Variants in ADAM9 observed in about 807,000 individuals in gnomAD.
ADAM9 encodes the protein ADAM metallopeptidase domain 9.
In ADAM9, 54 loss-of-function variants were observed where a neutral mutation model predicts 108.1. The observed-to-expected ratio is 0.50, with a 90% CI of 0.40 to 0.63. The LOEUF (loss-of-function observed/expected upper bound fraction) is 0.63, where lower values mean the gene tolerates loss of function less well. Among genes scored for constraint, ADAM9 ranks in the 20% least tolerant of loss-of-function variants. The pLI is 0.00. For synonymous variants in ADAM9, 316 were observed against 336.0 expected (o/e 0.94, Z 0.65); for missense variants, 830 against 997.7 (o/e 0.83, Z 2.26).
chr8:39,006,067 A>G (rs1401593311), intron 1 of ADAM9, among the ~76,000 whole-genome samples: 1 of 152,188 alleles, frequency 6.6e-6, no homozygotes, highest in African/African-American at 2.4e-5. Context: ...CTTTATTTAC[A>G]ACAGATCAGG....
chr8:39,041,922 T>A (rs1588370057), intron 11 of ADAM9, 24 bp from the exon 12 acceptor site: 1 of 1,610,458 alleles, frequency 6.2e-7, no homozygotes, highest in Non-Finnish European at 8.5e-7. Context: ...GTGACATAGA[T>A]CTTTTTCTTA....
At chr8:39,005,723 C>T (rs1318925963) in intron 1 of ADAM9, among the ~76,000 whole-genome samples, 1 of 152,152 alleles carries the variant, frequency 6.6e-6, no homozygotes, top group Non-Finnish European at 1.5e-5. Flanking sequence ...GTTCTTGAAA[C>T]GTAATTTTTC....
At chr8:39,069,979 TA>T (rs869079193) in intron 14 of ADAM9, among the ~76,000 whole-genome samples, 64,969 of 117,156 alleles carry the variant, frequency 0.55, 17,581 homozygotes, top group East Asian at 0.73. Flanking sequence ...CTTGTCTCAC[TA>T]AAAAAAAAAA....
chr8:39,045,096 G>GTGTGTGTGCATACATACA (rs1837615374), intron 12 of ADAM9, among the ~76,000 whole-genome samples: 4 of 15,476 alleles, frequency 2.6e-4, no homozygotes, highest in Non-Finnish European at 4.9e-4. Flanking sequence ...ACATACATAT[G>GTGTGTGTGCATACATACA]TGTGTGTGCA....
chr8:39,093,791 A>G (rs190847420), intron 20 of ADAM9, among the ~76,000 whole-genome samples: 12 of 152,170 alleles, frequency 7.9e-5, no homozygotes, highest in Admixed American at 7.9e-4. Context: ...TGTTTTTGAG[A>G]TAGAGTCTCG....
At chr8:39,059,682 C>T (rs1049552538) in intron 14 of ADAM9, among the ~76,000 whole-genome samples, 4 of 152,364 alleles carry the variant, frequency 2.6e-5, no homozygotes, top group Admixed American at 6.5e-5. Flanking sequence ...TGTATAATCA[C>T]GTCTGGCTGT....
intron 11 of ADAM9, among the ~76,000 whole-genome samples, chr8:39,031,217 C>T (rs1488460070): frequency 6.6e-6 from 1 of 152,198 alleles, no homozygotes; most frequent in Non-Finnish European, 1.5e-5. Flanking sequence ...CTTTGATCCA[C>T]ATGGAGTTAA....
chr8:39,034,132 A>T lies in ADAM9; in HGVS notation c.1130+7322A>T, dbSNP rs371798656. ...GGTTTTGAACTCCTAGGCCTAAGCAATCCTCCCACCTTAGCCTCCTGATGT... is the reference window on the plus strand; with the variant it reads ...GGTTTTGAACTCCTAGGCCTAAGCATTCCTCCCACCTTAGCCTCCTGATGT... On this transcript the variant is annotated intron_variant, in intron 11 of 21. Coordinates refer to ENST00000487273, the MANE Select transcript of ADAM9 (RefSeq NM_003816.3). Among the ~76,000 whole-genome samples, 6 of 152,008 alleles carry T rather than the reference A, an allele frequency of 3.9e-5. No individual in the cohort carries two copies. The South Asian group carries it at 1.2e-3, about 32-fold the overall frequency.
intron 15 of ADAM9, among the ~76,000 whole-genome samples, chr8:39,075,104 C>T (rs761242106): frequency 6.6e-6 from 1 of 151,550 alleles, no homozygotes; most frequent in Non-Finnish European, 1.5e-5. Context: ...ATGGGGTTTC[C>T]CTATGTTGGC....
intron 14 of ADAM9, among the ~76,000 whole-genome samples, chr8:39,057,171 T>C (rs974491722): frequency 4.6e-5 from 7 of 152,044 alleles, no homozygotes; most frequent in African/African-American, 1.2e-4. Flanking sequence ...AGATGTGTAG[T>C]AGGCTATACC....
At chr8:39,100,936 T>C (rs1404146205) in intron 20 of ADAM9, among the ~76,000 whole-genome samples, 5 of 152,388 alleles carry the variant, frequency 3.3e-5, no homozygotes, top group African/African-American at 1.2e-4. Context: ...AGTTTCACTT[T>C]GTTGTAAACT....
At chr8:39,075,487 G>T (rs189430066) in intron 15 of ADAM9, among the ~76,000 whole-genome samples, 2 of 152,146 alleles carry the variant, frequency 1.3e-5, no homozygotes, top group East Asian at 1.9e-4. Context: ...ATTTTACTGA[G>T]GGTTGTAACT....
intron 14 of ADAM9, among the ~76,000 whole-genome samples, chr8:39,063,340 G>C (rs1176710160): frequency 6.6e-6 from 1 of 152,180 alleles, no homozygotes; most frequent in Non-Finnish European, 1.5e-5. Context: ...TTGCATGGCA[G>C]CTGCCTCCAG....
At chr8:39,054,078 G>A (rs1838037960) in intron 12 of ADAM9, among the ~76,000 whole-genome samples, 1 of 152,022 alleles carries the variant, frequency 6.6e-6, no homozygotes, top group Non-Finnish European at 1.5e-5. Flanking sequence ...CACTGAGGAA[G>A]GGCTATGTCA....
chr8:39,042,447 A>G (rs188812772), intron 12 of ADAM9, among the ~76,000 whole-genome samples: 1 of 152,310 alleles, frequency 6.6e-6, no homozygotes, highest in African/African-American at 2.4e-5. Flanking sequence ...AGCTTTCACC[A>G]TTCTGGCACT....
At chr8:39,094,282 T>A (rs1457907484) in intron 20 of ADAM9, among the ~76,000 whole-genome samples, 1 of 152,222 alleles carries the variant, frequency 6.6e-6, no homozygotes, top group African/African-American at 2.4e-5. Context: ...TCCCACTTGG[T>A]CATTGGGAAA....
intron 1 of ADAM9, among the ~76,000 whole-genome samples, chr8:38,999,000 G>C (rs911985933): frequency 6.6e-6 from 1 of 152,090 alleles, no homozygotes; most frequent in African/African-American, 2.4e-5. Flanking sequence ...TTAAGAAAAC[G>C]GGCAACACGG....
intron 18 of ADAM9, among the ~76,000 whole-genome samples, chr8:39,088,108 TGAG>T (rs1244471894): frequency 6.6e-6 from 1 of 152,094 alleles, no homozygotes; most frequent in East Asian, 1.9e-4. Context: ...TAGAGTAGGC[TGAG>T]GAGGAGGAGG....
At chr8:39,045,010 GTA>G (rs1446264596) in intron 12 of ADAM9, among the ~76,000 whole-genome samples, 1 of 105,880 alleles carries the variant, frequency 9.4e-6, no homozygotes, top group Non-Finnish European at 2.0e-5. Flanking sequence ...ACATACCTAT[GTA>G]TGTGTATGTG....
Sources: allele counts gnomAD v4.1 joint callset (sites outside exome capture counted in the v4.1 genomes callset), GRCh38; gene constraint gnomAD v4.1.1; transcripts MANE v1.5; gene names NCBI Gene and HGNC (gene_info 2026-07-23, HGNC 2026-07-21).